SNX18: variants seen among roughly 807,000 people sequenced by gnomAD.
The protein encoded by SNX18 is sorting nexin 18.
SNX18 carries 35 observed loss-of-function variants against 48.7 expected under a neutral mutation model. The observed-to-expected ratio is 0.72, with a 90% CI of 0.55 to 0.95. The LOEUF is 0.95. SNX18 is among the 40% of genes least tolerant of loss of function. SNX18 has a pLI of 0.00. For missense variants in SNX18, 824 were observed against 871.0 expected (o/e 0.95, Z 0.68); for synonymous variants, 492 against 384.7 (o/e 1.28, Z -3.26).
chr5:54,591,159 T>C, the SNX18 span, among the ~76,000 whole-genome samples: 2 of 49,130 alleles, frequency 4.1e-5, no homozygotes, highest in African/African-American at 1.2e-4. Context: ...CTTGCTTTTT[T>C]GTTTTTTGGG....
At chr5:54,639,201 CCAAT>C in the SNX18 span, among the ~76,000 whole-genome samples, 1 of 151,940 alleles carries the variant, frequency 6.6e-6, no homozygotes, top group Admixed American at 6.6e-5. Flanking sequence ...GAATGCTCTC[CCAAT>C]CAGAGAACTT....
the SNX18 span, among the ~76,000 whole-genome samples, chr5:54,613,437 G>A: frequency 6.6e-6 from 1 of 152,008 alleles, no homozygotes; most frequent in African/African-American, 2.4e-5. Context: ...TTATCCGGAA[G>A]CCACTCCTGC....
intron 1 of SNX18, among the ~76,000 whole-genome samples, chr5:54,523,621 C>G (rs1311150891): frequency 6.6e-6 from 1 of 152,184 alleles, no homozygotes; most frequent in African/African-American, 2.4e-5. Context: ...GTCCTGTTTT[C>G]TGTACTCTTA....
At chr5:54,617,378 CA>C in the SNX18 span, among the ~76,000 whole-genome samples, 8 of 152,160 alleles carry the variant, frequency 5.3e-5, no homozygotes, top group Non-Finnish European at 1.2e-4. Flanking sequence ...CAAGTGAAAA[CA>C]TGCTTTTTAC....
chr5:54,628,623 G>A, the SNX18 span, among the ~76,000 whole-genome samples: 4 of 152,140 alleles, frequency 2.6e-5, no homozygotes, highest in Non-Finnish European at 5.9e-5. Context: ...CCAGGCAGCT[G>A]CCCCCAGGAA....
At chr5:54,592,490 C>T in the SNX18 span, among the ~76,000 whole-genome samples, 3 of 152,214 alleles carry the variant, frequency 2.0e-5, no homozygotes, top group Non-Finnish European at 4.4e-5. Context: ...CTGGTTAGCT[C>T]TGGACCCACG....
chr5:54,636,326 C>G, the SNX18 span, among the ~76,000 whole-genome samples: 1 of 151,978 alleles, frequency 6.6e-6, no homozygotes, highest in African/African-American at 2.4e-5. Flanking sequence ...CCTGCTTAAA[C>G]AATGAAGCAC....
chr5:54,604,339 C>T, the SNX18 span, among the ~76,000 whole-genome samples: 2 of 152,164 alleles, frequency 1.3e-5, no homozygotes, highest in East Asian at 1.9e-4. Context: ...ACATTATTCA[C>T]TATAGCCAAA....
At chr5:54,520,727 C>G (rs1490109394) in intron 1 of SNX18, 2 of 167,184 alleles carry the variant, frequency 1.2e-5, no homozygotes, top group Non-Finnish European at 2.9e-5. Context: ...TTGGAGACAG[C>G]AGTCTCGCTT....
chr5:54,617,687 T>C, the SNX18 span, among the ~76,000 whole-genome samples: 2 of 152,188 alleles, frequency 1.3e-5, no homozygotes, highest in African/African-American at 4.8e-5. Flanking sequence ...GATTTGTTCA[T>C]GTCTCTGTTG....
the SNX18 span, among the ~76,000 whole-genome samples, chr5:54,642,493 G>C: frequency 6.6e-6 from 1 of 151,754 alleles, no homozygotes; most frequent in Admixed American, 6.6e-5. Flanking sequence ...GCTACTTCTT[G>C]CCAAACAGGG....
At chr5:54,620,030 C>A in the SNX18 span, among the ~76,000 whole-genome samples, 1 of 152,156 alleles carries the variant, frequency 6.6e-6, no homozygotes, top group African/African-American at 2.4e-5. Context: ...ATTTGCCAAG[C>A]TTAACTTTCT....
chr5:54,603,635 A>T, the SNX18 span, among the ~76,000 whole-genome samples: 1 of 152,198 alleles, frequency 6.6e-6, no homozygotes, highest in South Asian at 2.1e-4. Flanking sequence ...AGCCAAAGAA[A>T]AAAGAATAAG....
intron 1 of SNX18, among the ~76,000 whole-genome samples, chr5:54,532,816 A>T (rs1762272777): frequency 6.6e-6 from 1 of 152,222 alleles, no homozygotes; most frequent in Non-Finnish European, 1.5e-5. Flanking sequence ...AGGTACAATC[A>T]TGTGATTTCT....
intron 1 of SNX18, among the ~76,000 whole-genome samples, chr5:54,539,739 A>G (rs1204927648): frequency 1.3e-5 from 2 of 152,108 alleles, no homozygotes; most frequent in South Asian, 2.1e-4. Flanking sequence ...CTGGAGCCCA[A>G]CCTTTTGGGG....
At chr5:54,548,679 A>G (rs138178751), downstream of SNX18, among the ~76,000 whole-genome samples, 1 of 152,344 alleles carries the variant, frequency 6.6e-6, no homozygotes, top group African/African-American at 2.4e-5. Flanking sequence ...TCCCTCCATG[A>G]CAGACATGGG....
the SNX18 span, among the ~76,000 whole-genome samples, chr5:54,616,664 G>C: frequency 6.6e-6 from 1 of 152,074 alleles, no homozygotes; most frequent in Non-Finnish European, 1.5e-5. Flanking sequence ...AGCTACTAGG[G>C]AGGCTGAGGC....
At chr5:54,621,296 G>C in the SNX18 span, among the ~76,000 whole-genome samples, 2 of 152,152 alleles carry the variant, frequency 1.3e-5, no homozygotes, top group Non-Finnish European at 2.9e-5. Context: ...CCAGCATTGT[G>C]AATCAACAAT....
At chr5:54,533,399 G>T (rs1489118137) in intron 1 of SNX18, among the ~76,000 whole-genome samples, 1 of 152,178 alleles carries the variant, frequency 6.6e-6, no homozygotes, top group African/African-American at 2.4e-5. Context: ...TTTAGGGTCT[G>T]GAGGTGGTTT....
Sources: allele counts gnomAD v4.1 joint callset (sites outside exome capture counted in the v4.1 genomes callset), GRCh38; gene constraint gnomAD v4.1.1; transcripts MANE v1.5; gene names NCBI Gene and HGNC (gene_info 2026-07-23, HGNC 2026-07-21).